The following FBXO32 variants were observed in gnomAD, a reference collection of about 807,000 sequenced individuals.
FBXO32 encodes F-box protein 32, also known as F-box only protein 32.
A neutral mutation model predicts 48.3 loss-of-function variants in FBXO32; 15 were observed. The ratio of observed to expected loss-of-function variants is 0.31; its 90% CI spans 0.21 to 0.48. FBXO32 has a LOEUF of 0.48. FBXO32 is among the 20% of genes least tolerant of loss of function. The pLI is 0.99. For missense variants in FBXO32, 309 were observed against 432.7 expected (o/e 0.71, Z 2.54); for synonymous variants, 154 against 165.9 (o/e 0.93, Z 0.55).
Position 123,500,668 on chromosome 8 carries a change from G to C in FBXO32, c.*2705C>G, listed in dbSNP as rs1816463065. ...GCACTAACACAGATATGTTGTGCCT[G>C]CTGTGCTCTTCCCATTGTCCCCACA... On this transcript the variant is annotated 3_prime_UTR_variant, in exon 9 of 9. Transcript: ENST00000517956. 6.6e-6 allele frequency: 1 copy of C among 152,200 alleles called. No individual in the cohort carries two copies. Among genetic ancestry groups the C allele is most frequent in the South Asian group, 2.1e-4 (1 of 4,834 alleles). 9.4% of individuals were successfully genotyped at this position (152,200 alleles called of 1,614,324 possible).
At chr8:123,504,378 G>A (rs751416738) in intron 8 of FBXO32, among the ~76,000 whole-genome samples, 14 of 152,214 alleles carry the variant, frequency 9.2e-5, no homozygotes, top group Non-Finnish European at 1.9e-4. Flanking sequence ...AAGGGGGAGT[G>A]GGTGGAACGC....
In FBXO32 at chr8:123,525,669, C is replaced by T. The variant is rs1000501668; in HGVS notation, c.372+6229G>A. On this transcript the variant is annotated intron_variant, in intron 4 of 8. Coordinates refer to ENST00000517956, the MANE Select transcript of FBXO32 (RefSeq NM_058229.4). This position sits in a 1 kb window ranked among gnomAD's most constrained non-coding sequence, Gnocchi z 4.3. The stretch of plus-strand genomic sequence containing the variant: ...AGGCTTAGGTCCTGCCTTTATTCCA[C>T]GTCCCTTCCTGGGCAGGCAACTTTG... Among the ~76,000 whole-genome samples, 4 of 152,232 alleles carry T rather than the reference C, an allele frequency of 2.6e-5. No individual in the cohort carries two copies. Among genetic ancestry groups the T allele is most frequent in the African/African-American group, 7.2e-5 (3 of 41,458 alleles).
intron 4 of FBXO32, among the ~76,000 whole-genome samples, chr8:123,522,125 A>C (rs1816967999): frequency 6.6e-6 from 1 of 152,150 alleles, no homozygotes; most frequent in African/African-American, 2.4e-5. Context: ...TAAAATAATA[A>C]GGAGAGCCAA....
chr8:123,509,318 G>A (rs1331458857), intron 6 of FBXO32, among the ~76,000 whole-genome samples: 2 of 152,134 alleles, frequency 1.3e-5, no homozygotes, highest in Non-Finnish European at 2.9e-5. Flanking sequence ...TGTTAAAAAA[G>A]TAAGTTTTAA....
At position 123,540,811 on chromosome 8, in the gene FBXO32, G is replaced by C; in HGVS notation, c.116+88C>G. On this transcript the variant is annotated intron_variant, in intron 1 of 8. Coordinates refer to ENST00000517956, the MANE Select transcript of FBXO32 (RefSeq NM_058229.4). This position sits in a 1 kb window ranked among gnomAD's most constrained non-coding sequence, Gnocchi z 6.4. ...TCCCTCCTCAGCCCGCTCCAGCCCT[G>C]CCTGCCCCTCATTCGCCGTCCCTGC... The C allele has an allele frequency of 3.5e-6, 4 of 1,137,286 alleles. No homozygotes were observed. Among genetic ancestry groups the C allele is most frequent in the Non-Finnish European group, 5.1e-6 (4 of 779,274 alleles). 70.4% of individuals were successfully genotyped at this position (1,137,286 alleles called of 1,614,324 possible).
chr8:123,524,420 C>A (rs1336251884), intron 4 of FBXO32, among the ~76,000 whole-genome samples: 1 of 152,208 alleles, frequency 6.6e-6, no homozygotes, highest in Non-Finnish European at 1.5e-5. Flanking sequence ...TTGAAGGGCC[C>A]ACCCTGTACC....
chr8:123,513,420 A>T lies in FBXO32; in HGVS notation c.467-38T>A, dbSNP rs1274626881. On this transcript the variant is annotated intron_variant, in intron 5 of 8. Coordinates refer to ENST00000517956, the MANE Select transcript of FBXO32 (RefSeq NM_058229.4). The surrounding 1 kb of genome is among the most constrained non-coding windows in gnomAD (Gnocchi z 4.3). ...AGAAAAAAATAATTAAAGTTATGAT[A>T]CTGGAACACCCTGTATTTTACACAT... 6.5e-7 allele frequency: 1 copy of T among 1,540,086 alleles called. No homozygotes were observed. Among genetic ancestry groups the T allele is most frequent in the Non-Finnish European group, 8.9e-7 (1 of 1,120,318 alleles).
intron 4 of FBXO32, among the ~76,000 whole-genome samples, chr8:123,514,626 C>T (rs545385972): frequency 2.2e-4 from 34 of 152,366 alleles, no homozygotes; most frequent in African/African-American, 5.3e-4. Flanking sequence ...GTGAAGCTGA[C>T]GTACCCTGAA....
At chr8:123,517,730 G>A (rs1459931158) in intron 4 of FBXO32, among the ~76,000 whole-genome samples, 1 of 152,086 alleles carries the variant, frequency 6.6e-6, no homozygotes, top group Non-Finnish European at 1.5e-5. Context: ...CTGAACTCCT[G>A]ATTCTTCATT....
intron 6 of FBXO32, among the ~76,000 whole-genome samples, chr8:123,507,438 G>GGGGTGTGTGTGTGTGT (rs371377453): frequency 5.7e-5 from 8 of 139,802 alleles, no homozygotes; most frequent in African/African-American, 1.6e-4. Context: ...TCTGTGCTAG[G>GGGGTGTGTGTGTGTGT]GTGTGTGTGT....
intron 4 of FBXO32, among the ~76,000 whole-genome samples, chr8:123,517,550 AT>A (rs1816865081): frequency 6.6e-6 from 1 of 150,482 alleles, no homozygotes; most frequent in Admixed American, 6.6e-5. Context: ...GAAGACCTGG[AT>A]TCTCTAGCTG....
chr8:123,509,277 C>A lies in FBXO32; in HGVS notation c.652-2703G>T, dbSNP rs374381776. Among the ~76,000 whole-genome samples, 40 of 152,200 alleles carry A rather than the reference C, an allele frequency of 2.6e-4. No individual in the cohort carries two copies. The South Asian group carries it at 7.7e-3, about 29-fold the overall frequency. ...CTCTGAAAGTTGACTTTATATTTGCCTATAATAATGTACTTTTCTTTGGGC... is the reference window on the plus strand; with the variant it reads ...CTCTGAAAGTTGACTTTATATTTGCATATAATAATGTACTTTTCTTTGGGC... On this transcript the variant is annotated intron_variant, in intron 6 of 8. Transcript: ENST00000517956.
At chr8:123,535,035 G>A (rs959352835) in intron 1 of FBXO32, among the ~76,000 whole-genome samples, 2 of 152,180 alleles carry the variant, frequency 1.3e-5, no homozygotes, top group African/African-American at 4.8e-5. Context: ...GGCAGGGATG[G>A]GAGCTTCTAC....
At position 123,531,924 on chromosome 8, in the gene FBXO32, A is replaced by C; in HGVS notation, c.346T>G (p.Ser116Ala). The C allele has an allele frequency of 1.2e-6, 2 of 1,614,212 alleles. No individual in the cohort carries two copies. Among genetic ancestry groups the C allele is most frequent in the Non-Finnish European group, 1.7e-6 (2 of 1,180,024 alleles). Residue 116 changes from serine to alanine, a missense_variant, in exon 4 of 9, where the codon TCC becomes GCC. Ser to Ala is a moderately conservative substitution (Grantham distance 99, BLOSUM62 1). Coordinates refer to ENST00000517956, the MANE Select transcript of FBXO32 (RefSeq NM_058229.4). ...RLDFSTAILD[S>A]RRFNYVVRLL... ...CGGACCACGTAGTTAAATCTTCTGG[A>C]ATCCAGAATGGCAGTTGAGAAGTCC...
At chr8:123,511,362 C>A (rs1816730181) in intron 6 of FBXO32, among the ~76,000 whole-genome samples, 1 of 152,050 alleles carries the variant, frequency 6.6e-6, no homozygotes, top group Non-Finnish European at 1.5e-5. Flanking sequence ...GGGTTCTGAG[C>A]ATGTGAGCCT....
In FBXO32 at chr8:123,498,039, TTAAA is replaced by T. The variant is rs1344293719; in HGVS notation, c.*5330_*5333del. The T allele has an allele frequency of 1.3e-5, 2 of 152,222 alleles. No individual in the cohort carries two copies. The highest frequency in any genetic ancestry group is 2.4e-5 in the African/African-American group (1 of 41,458). The allele number at this position is 152,222 out of a possible 1,614,324, so 9.4% of individuals were successfully genotyped here. A position where few individuals can be genotyped will look rare whatever the true frequency, so the allele number is the denominator to read the frequency against. ...ACAGAAGGACTCAGCTCACACAATA[TTAAA>T]TAAACATCTCTGCATGTAATTGGTC... On this transcript the variant is annotated 3_prime_UTR_variant, in exon 9 of 9. Transcript: ENST00000517956.
intron 3 of FBXO32, among the ~76,000 whole-genome samples, chr8:123,532,757 G>A (rs117255629): frequency 2.0e-5 from 3 of 152,290 alleles, no homozygotes; most frequent in East Asian, 1.9e-4. Flanking sequence ...TTATTACAAT[G>A]TCTTGTCCCC....
At chr8:123,507,740 G>T (rs186467978) in intron 6 of FBXO32, among the ~76,000 whole-genome samples, 4 of 152,126 alleles carry the variant, frequency 2.6e-5, no homozygotes, top group Admixed American at 6.5e-5. Context: ...TGAAGGCAGG[G>T]TCTAATTTTA....
At chr8:123,527,352 G>A (rs1043156063) in intron 4 of FBXO32, 2 of 152,076 alleles carry the variant, frequency 1.3e-5, no homozygotes, top group Admixed American at 6.6e-5. Context: ...ACTAAATAAC[G>A]GTTGCTTTCA....
Sources: gnomAD v4.1 joint callset for allele counts (sites outside exome capture counted in the v4.1 genomes callset) on GRCh38, gnomAD v4.1.1 for gene constraint, Gnocchi (gnomAD v3.1) non-coding constraint, MANE v1.5 for transcripts, NCBI Gene and HGNC (gene_info 2026-07-23, HGNC 2026-07-21) for gene names.